HDAC9: variants seen among roughly 807,000 people sequenced by gnomAD.
HDAC9 encodes histone deacetylase 9, also known as MEF-2 interacting transcription repressor (MITR) protein.
Under a neutral mutation model 139.4 loss-of-function variants are expected in HDAC9, and 41 were observed. The ratio of observed to expected loss-of-function variants is 0.29; its 90% confidence interval spans 0.23 to 0.38. The LOEUF (loss-of-function observed/expected upper bound fraction) is 0.38. HDAC9 is among the 10% of genes least tolerant of loss of function. The probability of loss-of-function intolerance (pLI) is 1.00; values close to 1 mark genes in which losing one functional copy is unlikely to be tolerated. For synonymous variants in HDAC9, 517 were observed against 476.2 expected (o/e 1.09, Z -1.12); for missense variants, 1,147 against 1,297.0 (o/e 0.88, Z 1.78).
At chr7:18,595,276 G>C (rs573516510) in intron 6 of HDAC9, among the ~76,000 whole-genome samples, 1 of 152,126 alleles carries the variant, frequency 6.6e-6, no homozygotes, top group South Asian at 2.1e-4. Flanking sequence ...TTAATAGAAG[G>C]CTATGCAAAG....
At chr7:18,784,969 GTGTGTC>G (rs1188418398) in intron 16 of HDAC9, among the ~76,000 whole-genome samples, 8 of 13,852 alleles carry the variant, frequency 5.8e-4, no homozygotes, top group South Asian at 3.0e-3. Flanking sequence ...GTGTGTGTGT[GTGTGTC>G]TGTGTGTGCA....
chr7:18,216,396 A>T (rs1056740627), intron 2 of HDAC9, among the ~76,000 whole-genome samples: 2 of 152,078 alleles, frequency 1.3e-5, no homozygotes, highest in East Asian at 3.8e-4. Context: ...TTTCTATCGT[A>T]TTGGTAAGAA....
rs532759382 is a variant in HDAC9, at chr7:18,953,057, T to G, written c.2938-1089T>G. Among the ~76,000 whole-genome samples the G allele has an allele frequency of 7.9e-5, 12 of 152,160 alleles. No homozygotes were observed. The South Asian group carries it at 2.3e-3, about 29-fold the overall frequency. ...TTCAGAGGGACCCTGAGGGGAAGAT[T>G]CACTCACATATGTGGTGGAAACTGG... On this transcript the variant is annotated intron_variant, in intron 23 of 25. Transcript: ENST00000686413.
At chr7:18,956,818 C>A (rs1316281902) in intron 24 of HDAC9, among the ~76,000 whole-genome samples, 3 of 152,046 alleles carry the variant, frequency 2.0e-5, no homozygotes. Context: ...TCAATTCAGG[C>A]CAATGAAAAT....
In HDAC9 at chr7:18,393,244, T is replaced by G. The variant is rs117923470; in HGVS notation, c.-42+102729T>G. ...AAGAGTGAATTAAACCAGTAAAGTT[T>G]ATAAGAAGTATCCTGGACAAGAGAA... On this transcript the variant is annotated intron_variant, in intron 1 of 3. Coordinates refer to the HDAC9 transcript ENST00000413509. Among the ~76,000 whole-genome samples, 1,310 of 152,170 alleles carry G rather than the reference T, an allele frequency of 8.6e-3. 9 individuals are homozygous for G. Among genetic ancestry groups the G allele is most frequent in the Non-Finnish European group, 0.013 (870 of 67,986 alleles).
Position 18,583,653 on chromosome 7 carries a change from C to T in HDAC9, c.23-1628C>T, listed in dbSNP as rs1363292173. 4.6e-5 allele frequency among the ~76,000 whole-genome samples: 7 copies of T among 152,054 alleles called. No individual in the cohort carries two copies. In the East Asian group the frequency reaches 9.7e-4, roughly 21 times the overall value. The stretch of plus-strand genomic sequence containing the variant: ...CCTAAAGTCCCAGATACTTGGGAGG[C>T]TGAGGCAGAAGGATCCCTTGAGCCA... On this transcript the variant is annotated intron_variant, in intron 2 of 25. Coordinates refer to ENST00000686413, the MANE Select transcript of HDAC9 (RefSeq NM_178425.4).
In HDAC9 at chr7:18,726,782, C is replaced by T. The variant is rs150311898; in HGVS notation, c.1732-798C>T. On this transcript the variant is annotated intron_variant, in intron 12 of 25. Transcript: ENST00000686413. ...ATTTTGAAATACATACCTTTTTTTGCACAAAGCTCGCTGTGTAGCATTGAT... is the reference window on the plus strand; with the variant it reads ...ATTTTGAAATACATACCTTTTTTTGTACAAAGCTCGCTGTGTAGCATTGAT... Among the ~76,000 whole-genome samples, 633 of 150,414 alleles carry T rather than the reference C, an allele frequency of 4.2e-3. 1 individual carries two copies. The highest frequency in any genetic ancestry group is 0.015 in the African/African-American group (608 of 41,128).
At chr7:18,101,970 A>G (rs1466084702) in intron 1 of HDAC9, among the ~76,000 whole-genome samples, 3 of 152,142 alleles carry the variant, frequency 2.0e-5, no homozygotes, top group African/African-American at 4.8e-5. Context: ...TCACTTATGG[A>G]TTGCTCCTCT....
chr7:18,132,547 C>A (rs77440446), intron 1 of HDAC9, among the ~76,000 whole-genome samples: 3 of 151,948 alleles, frequency 2.0e-5, no homozygotes, highest in Non-Finnish European at 4.4e-5. Flanking sequence ...TAGCTGAAAC[C>A]GCAGGCACAT....
chr7:18,222,877 T>C (rs1265986972), intron 2 of HDAC9, among the ~76,000 whole-genome samples: 3 of 152,154 alleles, frequency 2.0e-5, no homozygotes, highest in Non-Finnish European at 4.4e-5. Context: ...TTCCCTAGGC[T>C]AAGTTCTTAC....
intron 6 of HDAC9, among the ~76,000 whole-genome samples, chr7:18,619,689 GT>G (rs1452949110): frequency 6.6e-6 from 1 of 152,132 alleles, no homozygotes; most frequent in East Asian, 1.9e-4. Flanking sequence ...GAAGATACAT[GT>G]TGCATAACCT....
Position 18,447,985 on chromosome 7 carries a change from C to T in HDAC9, c.-41-48277C>T, listed in dbSNP as rs147330707. Among the ~76,000 whole-genome samples the T allele has an allele frequency of 4.3e-3, 652 of 152,206 alleles. 3 individuals are homozygous for T. Among genetic ancestry groups the T allele is most frequent in the Middle Eastern group, 6.8e-3 (2 of 294 alleles). On this transcript the variant is annotated intron_variant, in intron 1 of 3. Coordinates refer to the HDAC9 transcript ENST00000413509. ...CTTCCCTAATAGCTGGGATTACAGA[C>T]GTGCACCACAATACCTGGCTAATTT...
intron 1 of HDAC9, among the ~76,000 whole-genome samples, chr7:18,306,545 G>T (rs905186501): frequency 3.3e-5 from 5 of 152,140 alleles, no homozygotes; most frequent in Non-Finnish European, 4.4e-5. Context: ...TAATATAGGG[G>T]TAGTTTGGAA....
intron 6 of HDAC9, among the ~76,000 whole-genome samples, chr7:18,619,838 G>A (rs1839729255): frequency 6.6e-6 from 1 of 152,116 alleles, no homozygotes; most frequent in South Asian, 2.1e-4. Flanking sequence ...CCTTGGACGT[G>A]GTTATTTCCT....
chr7:18,706,184 T>G (rs1443319101), intron 12 of HDAC9, among the ~76,000 whole-genome samples: 1 of 111,354 alleles, frequency 9.0e-6, no homozygotes, highest in African/African-American at 4.2e-5. Flanking sequence ...TTTTTTTTTT[T>G]GCTTTATTCT....
chr7:18,143,606 T>G (rs1043841027), intron 1 of HDAC9, among the ~76,000 whole-genome samples: 2 of 152,056 alleles, frequency 1.3e-5, no homozygotes, highest in Non-Finnish European at 2.9e-5. Context: ...ACTAACATGG[T>G]GAAACCTCGT....
chr7:18,134,696 G>A (rs555023261), intron 1 of HDAC9, among the ~76,000 whole-genome samples: 1 of 152,144 alleles, frequency 6.6e-6, no homozygotes, highest in East Asian at 1.9e-4. Flanking sequence ...CTCCATGCCC[G>A]TTCTTACCCT....
intron 1 of HDAC9, among the ~76,000 whole-genome samples, chr7:18,160,365 T>C (rs1252430112): frequency 6.6e-6 from 1 of 152,198 alleles, no homozygotes; most frequent in Admixed American, 6.5e-5. Flanking sequence ...AATGACTAAA[T>C]CTTGAAGCTC....
chr7:18,645,552 G>A (rs1267042887), intron 9 of HDAC9, among the ~76,000 whole-genome samples: 1 of 152,124 alleles, frequency 6.6e-6, no homozygotes, highest in Non-Finnish European at 1.5e-5. Context: ...CTTTGCCAAA[G>A]CAGAGCTAAA....
Sources: gnomAD v4.1 joint callset for allele counts (sites outside exome capture counted in the v4.1 genomes callset) on GRCh38, gnomAD v4.1.1 for gene constraint, MANE v1.5 for transcripts, NCBI Gene and HGNC (gene_info 2026-07-23, HGNC 2026-07-21) for gene names.